The following GABRB2 variants were observed in gnomAD, a reference collection of about 807,000 sequenced individuals.
GABRB2 encodes the protein gamma-aminobutyric acid receptor subunit beta-2.
Under a neutral mutation model 54.7 loss-of-function variants are expected in GABRB2, and 16 were observed. The observed-to-expected ratio is 0.29, with a 90% CI of 0.20 to 0.44. The LOEUF (loss-of-function observed/expected upper bound fraction) is 0.44, where lower values mean the gene tolerates loss of function less well. Ranked by LOEUF, GABRB2 falls within the 20% of genes least tolerant of loss-of-function variation. GABRB2 has a pLI of 1.00. For synonymous variants in GABRB2, 244 were observed against 233.8 expected (o/e 1.04, Z -0.40); for missense variants, 355 against 644.0 (o/e 0.55, Z 4.86).
At chr5:161,315,217 T>C (rs1046640134) in intron 9 of GABRB2, among the ~76,000 whole-genome samples, 1 of 152,202 alleles carries the variant, frequency 6.6e-6, no homozygotes, top group Non-Finnish European at 1.5e-5. Flanking sequence ...ATAAATATGT[T>C]TACAAAATTT....
At chr5:161,471,658 G>T (rs751621897) in intron 3 of GABRB2, among the ~76,000 whole-genome samples, 2 of 151,874 alleles carry the variant, frequency 1.3e-5, no homozygotes, top group African/African-American at 4.8e-5. Context: ...GGTGATAACG[G>T]GACTGGTTCT....
rs1180941053 is a variant in GABRB2 at position 161,454,045 on chromosome 5, A to AG, written c.458+5578_458+5579insC. Among the ~76,000 whole-genome samples the AG allele has an allele frequency of 2.0e-5, 3 of 152,048 alleles. No homozygotes were observed. In the East Asian group the frequency reaches 5.8e-4, roughly 29 times the overall value. ...AGAGTGAGATTCCAAAAAAAAAAAA[A>AG]AAAGCACTATTCATAACTTAATTAT... is the stretch of plus-strand genomic sequence containing the variant. On this transcript the variant is annotated intron_variant, in intron 4 of 9. Coordinates refer to ENST00000393959, the MANE Select transcript of GABRB2 (RefSeq NM_001371727.1).
intron 4 of GABRB2, among the ~76,000 whole-genome samples, chr5:161,420,217 T>C (rs1756808529): frequency 1.3e-5 from 2 of 152,164 alleles, no homozygotes; most frequent in African/African-American, 4.8e-5. Flanking sequence ...AGTCTTTTAA[T>C]TTTTTTAACA....
intron 3 of GABRB2, among the ~76,000 whole-genome samples, chr5:161,469,672 C>CACACATACACAT (rs59675873): frequency 0.092 from 13,027 of 141,094 alleles, 724 homozygotes; most frequent in South Asian, 0.13. Context: ...AAACATTATT[C>CACACATACACAT]ACACATACAC....
At chr5:161,383,632 A>G (rs750340316) in intron 5 of GABRB2, among the ~76,000 whole-genome samples, 1 of 152,130 alleles carries the variant, frequency 6.6e-6, no homozygotes, top group Non-Finnish European at 1.5e-5. Flanking sequence ...GTGAGTGACT[A>G]CCATTTTGGA....
At chr5:161,299,762 G>GATTCATCTCATTTAAAGATCTCATTTA (rs1757483451) in intron 9 of GABRB2, among the ~76,000 whole-genome samples, 2 of 151,988 alleles carry the variant, frequency 1.3e-5, no homozygotes, top group Non-Finnish European at 2.9e-5. Context: ...AATCCTAACA[G>GATTCATCTCATTTAAAGATCTCATTTA]ATTCATCTCA....
At chr5:161,455,801 G>A (rs1757938758) in intron 4 of GABRB2, among the ~76,000 whole-genome samples, 1 of 152,082 alleles carries the variant, frequency 6.6e-6, no homozygotes, top group Admixed American at 6.5e-5. Flanking sequence ...CCAAAGTGCT[G>A]AGATTACAGG....
chr5:161,385,674 T>C (rs374882209), intron 5 of GABRB2, among the ~76,000 whole-genome samples: 1 of 152,148 alleles, frequency 6.6e-6, no homozygotes, highest in Admixed American at 6.6e-5. Flanking sequence ...CGTTAACTAC[T>C]AGGTATAAAA....
At chr5:161,414,219 G>A (rs1352066668) in intron 4 of GABRB2, among the ~76,000 whole-genome samples, 4 of 152,154 alleles carry the variant, frequency 2.6e-5, no homozygotes, top group Non-Finnish European at 5.9e-5. Context: ...CTGATCATAT[G>A]GTCGATGATG....
chr5:161,534,806 CA>C, intron 3 of GABRB2, among the ~76,000 whole-genome samples: 1 of 152,104 alleles, frequency 6.6e-6, no homozygotes, highest in Admixed American at 6.6e-5. Context: ...GAAAAAACCC[CA>C]GAGAAGAAAA....
At chr5:161,450,079 A>C (rs1421789371) in intron 4 of GABRB2, among the ~76,000 whole-genome samples, 1 of 152,188 alleles carries the variant, frequency 6.6e-6, no homozygotes, top group Non-Finnish European at 1.5e-5. Flanking sequence ...TACTGTACAC[A>C]TTCTTCAGGC....
chr5:161,470,222 A>T (rs1223386928), intron 3 of GABRB2, among the ~76,000 whole-genome samples: 1 of 151,726 alleles, frequency 6.6e-6, no homozygotes, highest in Non-Finnish European at 1.5e-5. Context: ...TGGTAAGCCG[A>T]ACACTACTGA....
At chr5:161,349,675 G>T (rs1256695306) in intron 5 of GABRB2, among the ~76,000 whole-genome samples, 1 of 152,086 alleles carries the variant, frequency 6.6e-6, no homozygotes, top group Non-Finnish European at 1.5e-5. Context: ...GTTGTAAACT[G>T]CCCCATGGAG....
intron 5 of GABRB2, among the ~76,000 whole-genome samples, chr5:161,379,077 G>A (rs140067232): frequency 6.6e-6 from 1 of 152,230 alleles, no homozygotes; most frequent in African/African-American, 2.4e-5. Flanking sequence ...CCTTAGAAAT[G>A]ACATTAGTTA....
chr5:161,494,360 C>T (rs773037556), intron 3 of GABRB2, among the ~76,000 whole-genome samples: 13 of 151,722 alleles, frequency 8.6e-5, no homozygotes, highest in African/African-American at 1.7e-4. Flanking sequence ...TACTGGATTA[C>T]GTAATAGATG....
In GABRB2 at chr5:161,511,816, C is replaced by T. The variant is rs549936438; in HGVS notation, c.237+33411G>A. On this transcript the variant is annotated intron_variant, in intron 3 of 9. Transcript: ENST00000393959. ...CATTATGAATGTCTCTGTGCCATTC[C>T]CTTTTTATGAGAACACTGGTCATAC... Among the ~76,000 whole-genome samples, 5 of 152,078 alleles carry T rather than the reference C, an allele frequency of 3.3e-5. No individual in the cohort carries two copies. In the South Asian group the frequency reaches 8.3e-4, roughly 25 times the overall value.
In GABRB2 at chr5:161,359,440, G is replaced by GACACACACACACACACACACACACAC. The variant is rs57251440; in HGVS notation, c.542-22697_542-22672dup. Among the ~76,000 whole-genome samples the GACACACACACACACACACACACACAC allele has an allele frequency of 1.3e-4, 19 of 147,806 alleles. 1 individual carries two copies. The highest frequency in any genetic ancestry group is 6.8e-3 in the Middle Eastern group (2 of 292). ...CTTTCAAGAGCACAAAATTGCATCT[G>GACACACACACACACACACACACACAC]ACACACACACACACACACACACACA... On this transcript the variant is annotated intron_variant, in intron 5 of 9. Transcript: ENST00000393959.
chr5:161,397,634 A>C (rs557904023), intron 5 of GABRB2, among the ~76,000 whole-genome samples: 4 of 152,304 alleles, frequency 2.6e-5, no homozygotes, highest in African/African-American at 9.6e-5. Flanking sequence ...CGATTTATGG[A>C]TATTATGCTG....
chr5:161,350,811 TC>T (rs1210811924), intron 5 of GABRB2, among the ~76,000 whole-genome samples: 3 of 152,130 alleles, frequency 2.0e-5, no homozygotes, highest in African/African-American at 7.2e-5. Context: ...GCTCAATGCT[TC>T]CTGCCCTCGA....
Sources: allele counts gnomAD v4.1 joint callset (sites outside exome capture counted in the v4.1 genomes callset), GRCh38; gene constraint gnomAD v4.1.1; transcripts MANE v1.5; gene names NCBI Gene and HGNC (gene_info 2026-07-23, HGNC 2026-07-21).